The following AGMO variants were observed in gnomAD, a reference collection of about 807,000 sequenced individuals.
AGMO encodes alkylglycerol monooxygenase.
Under a neutral mutation model 60.2 loss-of-function variants are expected in AGMO, and 75 were observed. The ratio of observed to expected loss-of-function variants is 1.25; its 90% CI spans 1.03 to 1.51. The LOEUF is 1.51. Ranked by LOEUF, AGMO falls within the 40% of genes most tolerant of loss-of-function variation. The pLI is 0.00. For synonymous variants in AGMO, 261 were observed against 177.1 expected (o/e 1.47, Z -3.76); for missense variants, 763 against 525.5 (o/e 1.45, Z -4.42).
chr7:15,301,663 T>A (rs1784562503), intron 12 of AGMO, among the ~76,000 whole-genome samples: 1 of 152,106 alleles, frequency 6.6e-6, no homozygotes, highest in South Asian at 2.1e-4. Flanking sequence ...TCCACGATAC[T>A]TTTAGAGGAT....
chr7:15,248,222 A>ATATATATCTATATCTATC (rs1554401294), intron 12 of AGMO, among the ~76,000 whole-genome samples: 1 of 104,194 alleles, frequency 9.6e-6, no homozygotes, highest in African/African-American at 3.6e-5. Flanking sequence ...ATATATATAT[A>ATATATATCTATATCTATC]TATCTTCATC....
At chr7:15,534,881 A>C (rs964595262) in intron 3 of AGMO, among the ~76,000 whole-genome samples, 1 of 151,862 alleles carries the variant, frequency 6.6e-6, no homozygotes, top group African/African-American at 2.4e-5. Context: ...TATTTAGAGA[A>C]AACATAGTAA....
chr7:15,398,372 A>G (rs928187676), intron 5 of AGMO, among the ~76,000 whole-genome samples: 5 of 152,174 alleles, frequency 3.3e-5, no homozygotes, highest in Non-Finnish European at 7.3e-5. Context: ...TTTTTAAAAA[A>G]TAGTTAAAAG....
At chr7:15,168,362 A>G in the AGMO span, among the ~76,000 whole-genome samples, 1 of 152,346 alleles carries the variant, frequency 6.6e-6, no homozygotes, top group Non-Finnish European at 1.5e-5. Flanking sequence ...GCGGGGCTTT[A>G]TAGCCCTGTA....
intron 12 of AGMO, among the ~76,000 whole-genome samples, chr7:15,322,278 C>T (rs1781129661): frequency 6.8e-6 from 1 of 146,432 alleles, no homozygotes. Flanking sequence ...CATCAGACGC[C>T]ACTTAAAAAA....
intron 10 of AGMO, among the ~76,000 whole-genome samples, chr7:15,375,841 A>G (rs770047505): frequency 2.0e-5 from 3 of 152,154 alleles, no homozygotes; most frequent in Admixed American, 6.5e-5. Context: ...AATTATGAGG[A>G]GGTTATCATT....
At chr7:15,212,150 T>G (rs1292349945) in intron 12 of AGMO, among the ~76,000 whole-genome samples, 1 of 151,906 alleles carries the variant, frequency 6.6e-6, no homozygotes, top group Admixed American at 6.6e-5. Context: ...TAGGAAAACC[T>G]AACATATTAA....
At chr7:15,284,496 G>A (rs778275941) in intron 12 of AGMO, among the ~76,000 whole-genome samples, 8 of 151,494 alleles carry the variant, frequency 5.3e-5, no homozygotes, top group African/African-American at 1.7e-4. Context: ...TCTTGGAAAC[G>A]TACAATCCTC....
chr7:15,475,863 A>C (rs1782582164), intron 3 of AGMO, among the ~76,000 whole-genome samples: 1 of 152,106 alleles, frequency 6.6e-6, no homozygotes, highest in African/African-American at 2.4e-5. Context: ...ATGAGCTATA[A>C]GTATAAGCAG....
intron 3 of AGMO, among the ~76,000 whole-genome samples, chr7:15,486,074 T>A (rs1335439621): frequency 6.6e-6 from 1 of 152,190 alleles, no homozygotes; most frequent in Non-Finnish European, 1.5e-5. Flanking sequence ...CTTTTTCCAC[T>A]GCAGCATGCA....
At chr7:15,326,800 A>G (rs912871735) in intron 12 of AGMO, among the ~76,000 whole-genome samples, 1 of 152,178 alleles carries the variant, frequency 6.6e-6, no homozygotes, top group Admixed American at 6.5e-5. Context: ...GTCTATGTAC[A>G]AAAGGCATAG....
At chr7:15,234,721 T>C (rs941349263) in intron 12 of AGMO, among the ~76,000 whole-genome samples, 1 of 152,218 alleles carries the variant, frequency 6.6e-6, no homozygotes, top group Non-Finnish European at 1.5e-5. Context: ...ATAGACAGTC[T>C]GTAAACAAAG....
chr7:15,560,992 C>T (rs1238749971), intron 1 of AGMO, among the ~76,000 whole-genome samples: 5 of 152,004 alleles, frequency 3.3e-5, no homozygotes, highest in Admixed American at 1.3e-4. Flanking sequence ...GAAAAAGATA[C>T]GGATTTTACT....
chr7:15,176,842 G>A, the AGMO span, among the ~76,000 whole-genome samples: 1 of 151,906 alleles, frequency 6.6e-6, no homozygotes, highest in Non-Finnish European at 1.5e-5. Flanking sequence ...TGAAATCATA[G>A]GCTTCTGACA....
intron 12 of AGMO, among the ~76,000 whole-genome samples, chr7:15,330,443 T>C (rs923693292): frequency 1.3e-5 from 2 of 152,206 alleles, no homozygotes; most frequent in African/African-American, 4.8e-5. Context: ...AAAACAGAAC[T>C]GATGACTTAG....
At chr7:15,128,629 G>C in the AGMO span, among the ~76,000 whole-genome samples, 1 of 151,908 alleles carries the variant, frequency 6.6e-6, no homozygotes, top group Non-Finnish European at 1.5e-5. Flanking sequence ...AAGTATATAA[G>C]TATATATATC....
At chr7:15,342,108 G>A (rs1016619988) in intron 12 of AGMO, among the ~76,000 whole-genome samples, 1 of 134,450 alleles carries the variant, frequency 7.4e-6, no homozygotes, top group African/African-American at 2.8e-5. Context: ...CATTTAGAAA[G>A]CATTTAAACT....
intron 12 of AGMO, among the ~76,000 whole-genome samples, chr7:15,298,058 CCT>C (rs1784454036): frequency 6.6e-6 from 1 of 152,080 alleles, no homozygotes; most frequent in Non-Finnish European, 1.5e-5. Flanking sequence ...AAATTTATGT[CCT>C]CTGTGTTTTG....
intron 10 of AGMO, among the ~76,000 whole-genome samples, chr7:15,375,986 T>C (rs1465097707): frequency 6.6e-6 from 1 of 152,138 alleles, no homozygotes; most frequent in Non-Finnish European, 1.5e-5. Flanking sequence ...AAATGTGTAA[T>C]TTCCCAGTTT....
Sources: allele counts gnomAD v4.1 joint callset (sites outside exome capture counted in the v4.1 genomes callset), GRCh38; gene constraint gnomAD v4.1.1; transcripts MANE v1.5; gene names NCBI Gene and HGNC (gene_info 2026-07-23, HGNC 2026-07-21).